Variants in UNC5D observed in about 807,000 individuals in gnomAD.
The protein encoded by UNC5D is unc-5 netrin receptor D, also known as netrin receptor UNC5D.
In UNC5D, 39 loss-of-function variants were observed where a neutral mutation model predicts 105.4. The observed-to-expected ratio is 0.37, with a 90% CI of 0.29 to 0.48. UNC5D has a LOEUF of 0.48. Ranked by LOEUF, UNC5D falls within the 20% of genes least tolerant of loss-of-function variation. The pLI is 0.98. For synonymous variants in UNC5D, 452 were observed against 450.4 expected (o/e 1.00, Z -0.04); for missense variants, 991 against 1,202.4 (o/e 0.82, Z 2.60).
chr8:35,322,919 G>A (rs1254808854), intron 1 of UNC5D, among the ~76,000 whole-genome samples: 5 of 152,238 alleles, frequency 3.3e-5, no homozygotes, highest in South Asian at 2.1e-4. Flanking sequence ...TCTAGTTAGA[G>A]CAGCAAGCCC....
chr8:35,449,697 T>G (rs1185703416), intron 1 of UNC5D, among the ~76,000 whole-genome samples: 1 of 152,138 alleles, frequency 6.6e-6, no homozygotes, highest in African/African-American at 2.4e-5. Flanking sequence ...TTCCACCATA[T>G]CAAAAGCTCC....
intron 10 of UNC5D, among the ~76,000 whole-genome samples, chr8:35,729,918 T>A (rs888118844): frequency 5.3e-5 from 8 of 152,228 alleles, no homozygotes; most frequent in Admixed American, 4.6e-4. Flanking sequence ...ATAAATGACT[T>A]GTTTTGCAAT....
At chr8:35,413,293 T>G (rs201619458) in intron 1 of UNC5D, among the ~76,000 whole-genome samples, 1 of 1,106 alleles carries the variant, frequency 9.0e-4, no homozygotes, top group African/African-American at 1.4e-3. Flanking sequence ...GTGTGTGTGT[T>G]GTGTGTGTGT....
intron 1 of UNC5D, among the ~76,000 whole-genome samples, chr8:35,453,287 C>T (rs1808286832): frequency 6.6e-6 from 1 of 152,048 alleles, no homozygotes. Context: ...GTGAGACCAT[C>T]TGTGCACTAT....
Position 35,541,896 on chromosome 8 carries a change from A to G in UNC5D, c.104-7396A>G, listed in dbSNP as rs564550788. 1.8e-4 allele frequency among the ~76,000 whole-genome samples: 27 copies of G among 152,332 alleles called. 1 individual carries two copies. Among genetic ancestry groups the G allele is most frequent in the Non-Finnish European group, 2.9e-4 (20 of 68,028 alleles). ...TATTAAACTGATAAATTGGAGAATA[A>G]TGAACGTGCTTTTGTAGAGTCTACT... On this transcript the variant is annotated intron_variant, in intron 1 of 16. Coordinates refer to ENST00000404895, the MANE Select transcript of UNC5D (RefSeq NM_080872.4).
intron 1 of UNC5D, among the ~76,000 whole-genome samples, chr8:35,397,717 C>T (rs904869765): frequency 6.6e-6 from 1 of 152,184 alleles, no homozygotes; most frequent in African/African-American, 2.4e-5. Flanking sequence ...CCTCCTGATT[C>T]AAGCCACTCT....
chr8:35,292,947 T>C (rs968030866), intron 1 of UNC5D, among the ~76,000 whole-genome samples: 12 of 152,040 alleles, frequency 7.9e-5, no homozygotes, highest in Non-Finnish European at 1.5e-4. Context: ...ACCTCGGCCT[T>C]CCAAATTGCT....
intron 1 of UNC5D, among the ~76,000 whole-genome samples, chr8:35,521,897 T>G: frequency 6.6e-6 from 1 of 152,224 alleles, no homozygotes; most frequent in Non-Finnish European, 1.5e-5. Flanking sequence ...CATTAGCACC[T>G]TAATGAACAC....
intron 1 of UNC5D, among the ~76,000 whole-genome samples, chr8:35,441,386 C>T (rs115710255): frequency 1.1e-4 from 16 of 151,842 alleles, no homozygotes; most frequent in African/African-American, 2.4e-4. Context: ...TTATAAATCA[C>T]ACTTCATTAT....
intron 1 of UNC5D, among the ~76,000 whole-genome samples, chr8:35,540,885 A>G (rs1815225173): frequency 6.6e-6 from 1 of 152,136 alleles, no homozygotes; most frequent in African/African-American, 2.4e-5. Context: ...TGTCCTGTGT[A>G]TTAGGACCAG....
chr8:35,335,041 AAT>A (rs1418258197), intron 1 of UNC5D, among the ~76,000 whole-genome samples: 2 of 152,194 alleles, frequency 1.3e-5, no homozygotes, highest in Admixed American at 6.5e-5. Flanking sequence ...ATAGAATAAT[AAT>A]ATATGTGCTC....
intron 1 of UNC5D, among the ~76,000 whole-genome samples, chr8:35,429,388 C>T (rs2128973732): frequency 6.6e-6 from 1 of 152,078 alleles, no homozygotes; most frequent in South Asian, 2.1e-4. Flanking sequence ...AATAGTCAGA[C>T]TACCACTAAC....
intron 4 of UNC5D, among the ~76,000 whole-genome samples, chr8:35,679,537 G>A (rs1825510712): frequency 6.6e-6 from 1 of 152,148 alleles, no homozygotes; most frequent in Non-Finnish European, 1.5e-5. Flanking sequence ...AAAGCTCGAG[G>A]CTCTGAGGTG....
intron 1 of UNC5D, among the ~76,000 whole-genome samples, chr8:35,490,490 C>T (rs1039979700): frequency 1.3e-5 from 2 of 152,098 alleles, no homozygotes; most frequent in African/African-American, 4.8e-5. Flanking sequence ...AGCCACTGCA[C>T]TCCAGCCTGG....
chr8:35,595,668 A>C lies in UNC5D; in HGVS notation c.570+11A>C. 1 of 1,613,146 alleles carries C rather than the reference A, an allele frequency of 6.2e-7. No individual in the cohort carries two copies. The highest frequency in any genetic ancestry group is 8.5e-7 in the Non-Finnish European group (1 of 1,179,270). On this transcript the variant is annotated intron_variant, in intron 4 of 16. Transcript: ENST00000404895. ...GTCCCTGCTGCCGAGGTAAGACAGG[A>C]TCCTGGGACCAGTCACCGGGAGGAA...
intron 13 of UNC5D, among the ~76,000 whole-genome samples, chr8:35,755,478 A>ATGTGTGTGTGTGTGTGTG (rs140830705): frequency 1.2e-3 from 188 of 150,494 alleles, no homozygotes; most frequent in African/African-American, 4.4e-3. Context: ...ATTTGTGTGT[A>ATGTGTGTGTGTGTGTGTG]TGTGTGTGTG....
chr8:35,731,399 CAAAAAAAAAAA>C (rs57529561), intron 11 of UNC5D, among the ~76,000 whole-genome samples: 1,482 of 30,604 alleles, frequency 0.048, 29 homozygotes, highest in African/African-American at 0.085. Flanking sequence ...ACTCTGTCTC[CAAAAAAAAAAA>C]AAAAAAAAAA....
intron 1 of UNC5D, among the ~76,000 whole-genome samples, chr8:35,270,557 CTT>C: frequency 6.6e-6 from 1 of 152,202 alleles, no homozygotes; most frequent in East Asian, 1.9e-4. Flanking sequence ...ATACAATAGG[CTT>C]TCTTAATTAG....
chr8:35,759,515 G>A (rs776524939), intron 14 of UNC5D, 46 bp downstream of exon 14: 18 of 1,584,330 alleles, frequency 1.1e-5, no homozygotes, highest in South Asian at 5.8e-5. Flanking sequence ...TGCTTTAACC[G>A]GCAAGCATGT....
Sources: gnomAD v4.1 joint callset for allele counts (sites outside exome capture counted in the v4.1 genomes callset) on GRCh38, gnomAD v4.1.1 for gene constraint, MANE v1.5 for transcripts, NCBI Gene and HGNC (gene_info 2026-07-23, HGNC 2026-07-21) for gene names.